RFC1: variants seen among roughly 807,000 people sequenced by gnomAD.
RFC1 encodes the protein replication factor C subunit 1.
A neutral mutation model predicts 137.4 loss-of-function variants in RFC1; 37 were observed. The ratio of observed to expected loss-of-function variants is 0.27; its 90% confidence interval spans 0.21 to 0.35. The LOEUF (loss-of-function observed/expected upper bound fraction) is 0.35, where lower values mean the gene tolerates loss of function less well. RFC1 is among the 10% of genes least tolerant of loss of function. The pLI is 1.00. For missense variants in RFC1, 1,205 were observed against 1,358.5 expected, an observed-to-expected ratio of 0.89 and a Z score of 1.78; for synonymous variants, 429 against 455.7, an observed-to-expected ratio of 0.94 and a Z score of 0.75.
At chr4:39,316,056 C>A (rs1739225140) in intron 10 of RFC1, among the ~76,000 whole-genome samples, 1 of 152,024 alleles carries the variant, frequency 6.6e-6, no homozygotes, top group Non-Finnish European at 1.5e-5. Context: ...CATGGAGAAA[C>A]CCCATCTCTA....
chr4:39,304,996 G>T, intron 14 of RFC1, 68 bp from the exon 15 acceptor site: 1 of 880,538 alleles, frequency 1.1e-6, no homozygotes, highest in Non-Finnish European at 1.9e-6. Context: ...GCCAAGAAAG[G>T]CCAGTTAAGA....
At chr4:39,304,482 T>C (rs1253492488) in intron 15 of RFC1, among the ~76,000 whole-genome samples, 1 of 152,344 alleles carries the variant, frequency 6.6e-6, no homozygotes, top group South Asian at 2.1e-4. Flanking sequence ...GTGAGGTTAA[T>C]AAGGTAATGA....
chr4:39,302,931 C>G, intron 16 of RFC1, 57 bp from the exon 17 acceptor site: 1 of 1,535,222 alleles, frequency 6.5e-7, no homozygotes, highest in Non-Finnish European at 8.9e-7. Flanking sequence ...AAATACCACA[C>G]AAGCTATTTT....
chr4:39,342,549 C>G (rs1740659183), intron 3 of RFC1, 82 bp from the exon 4 acceptor site: 1 of 1,371,024 alleles, frequency 7.3e-7, no homozygotes, highest in African/African-American at 1.5e-5. Context: ...CACGGTGAAC[C>G]AATTCCTCAA....
intron 12 of RFC1, among the ~76,000 whole-genome samples, chr4:39,310,387 A>G (rs773215567): frequency 7.9e-5 from 12 of 152,240 alleles, no homozygotes; most frequent in Admixed American, 1.3e-4. Flanking sequence ...CATCAATGTT[A>G]ATTTCCTGGT....
chr4:39,360,604 G>A (rs938749121), intron 1 of RFC1, among the ~76,000 whole-genome samples: 3 of 151,688 alleles, frequency 2.0e-5, no homozygotes, highest in East Asian at 1.9e-4. Flanking sequence ...GCATGGTGGC[G>A]AGCACCTGCA....
At chr4:39,299,186 G>A (rs1433522178) in intron 21 of RFC1, among the ~76,000 whole-genome samples, 3 of 152,064 alleles carry the variant, frequency 2.0e-5, no homozygotes, top group Non-Finnish European at 2.9e-5. Flanking sequence ...CCTTTAATTC[G>A]GCCCATCCCT....
At position 39,304,584 on chromosome 4, in the gene RFC1, G is replaced by A. The variant is rs542315114; in HGVS notation, c.2110+230C>T. Among the ~76,000 whole-genome samples the A allele has an allele frequency of 7.9e-5, 12 of 152,106 alleles. No homozygotes were observed. The South Asian group carries it at 1.2e-3, about 16-fold the overall frequency. ...TGAATCCTCTAAAATCATGAAAAAC[G>A]AATATGTGCATGTACACATTTTTAT... On this transcript the variant is annotated intron_variant, in intron 15 of 24. Coordinates refer to ENST00000349703, the MANE Select transcript of RFC1 (RefSeq NM_002913.5).
At chr4:39,306,869 A>C (rs1284621834) in intron 13 of RFC1, among the ~76,000 whole-genome samples, 168 bp from the exon 14 acceptor site, 2 of 152,250 alleles carry the variant, frequency 1.3e-5, no homozygotes, top group African/African-American at 4.8e-5. Context: ...CAGAGCATTC[A>C]GTGAAATTCT....
At position 39,344,991 on chromosome 4, in the gene RFC1, T is replaced by C. The variant is rs530445740; in HGVS notation, c.208+410A>G. ...TATTAACATCTCAGAGAGCTACGTATCTCAGAACATAGTTGATTTATTTAT... is the reference window on the plus strand; with the variant it reads ...TATTAACATCTCAGAGAGCTACGTACCTCAGAACATAGTTGATTTATTTAT... On this transcript the variant is annotated intron_variant, in intron 3 of 24. Coordinates refer to ENST00000349703, the MANE Select transcript of RFC1 (RefSeq NM_002913.5). 4.6e-5 allele frequency among the ~76,000 whole-genome samples: 7 copies of C among 152,266 alleles called. No homozygotes were observed. The South Asian group carries it at 1.2e-3, about 27-fold the overall frequency.
chr4:39,306,174 A>G (rs182335361), intron 14 of RFC1, among the ~76,000 whole-genome samples: 1 of 152,320 alleles, frequency 6.6e-6, no homozygotes, highest in Non-Finnish European at 1.5e-5. Flanking sequence ...TACCGGGTGA[A>G]AACTGGGCCT....
chr4:39,346,437 T>C (rs1404746141), intron 2 of RFC1, among the ~76,000 whole-genome samples: 1 of 151,738 alleles, frequency 6.6e-6, no homozygotes, highest in Non-Finnish European at 1.5e-5. Context: ...GATCGCGCCA[T>C]TGCATGCCAG....
At position 39,366,291 on chromosome 4, in the gene RFC1, G is replaced by C. The variant is rs1281670709; in HGVS notation, c.-50C>G. On this transcript the variant is annotated 5_prime_UTR_variant, in exon 1 of 25. Coordinates refer to ENST00000349703, the MANE Select transcript of RFC1 (RefSeq NM_002913.5). ...GCTGGCTGGCGGGTGGGCCGGTTGA[G>C]GAATCTGTTATCGAGGCTCAGGATC... 1 of 1,514,774 alleles carries C rather than the reference G, an allele frequency of 6.6e-7. No individual in the cohort carries two copies. Among genetic ancestry groups the C allele is most frequent in the East Asian group, 2.5e-5 (1 of 39,410 alleles). 93.8% of individuals were successfully genotyped at this position (1,514,774 alleles called of 1,614,324 possible).
chr4:39,306,987 C>T (rs1738701792), intron 13 of RFC1, among the ~76,000 whole-genome samples: 1 of 152,144 alleles, frequency 6.6e-6, no homozygotes, highest in Admixed American at 6.5e-5. Flanking sequence ...AACGCACAGG[C>T]CATGGAGCAC....
chr4:39,317,720 T>G (rs1426302527), intron 9 of RFC1: 3 of 152,238 alleles, frequency 2.0e-5, no homozygotes, highest in Non-Finnish European at 4.4e-5. Context: ...TGTGTTTATG[T>G]GGGGGAAAAA....
chr4:39,287,599 C>T lies in RFC1; in HGVS notation c.*1162G>A, dbSNP rs1048861863. On this transcript the variant is annotated 3_prime_UTR_variant, in exon 25 of 25. Transcript: ENST00000349703. Reference sequence around the variant, plus strand: ...TACCAGTTCCTTAAAGCAGGGAATACGATCCTTATTTTACATTCATTTTAG... The same window carrying T: ...TACCAGTTCCTTAAAGCAGGGAATATGATCCTTATTTTACATTCATTTTAG... 6 of 152,174 alleles carry T rather than the reference C, an allele frequency of 3.9e-5. No individual in the cohort carries two copies. Among genetic ancestry groups the T allele is most frequent in the South Asian group, 2.1e-4 (1 of 4,830 alleles). 9.4% of individuals were successfully genotyped at this position (152,174 alleles called of 1,614,324 possible).
rs145039474 is a variant in RFC1, at chr4:39,329,041, G to A, written c.332-1285C>T. ...CATCTGGCTTTAAATGTCTTTTTAA[G>A]CATTCATGACAACGTTTAGATAATT... is the stretch of plus-strand genomic sequence containing the variant. On this transcript the variant is annotated intron_variant, in intron 4 of 24. Coordinates refer to ENST00000349703, the MANE Select transcript of RFC1 (RefSeq NM_002913.5). Among the ~76,000 whole-genome samples, 81 of 135,944 alleles carry A rather than the reference G, an allele frequency of 6.0e-4. 1 individual carries two copies. Among genetic ancestry groups the A allele is most frequent in the African/African-American group, 2.2e-3 (80 of 35,838 alleles). The allele number at this position is 135,944 out of a possible 152,430, so 89.2% of individuals were successfully genotyped here. A position where few individuals can be genotyped will look rare whatever the true frequency, so the allele number is the denominator to read the frequency against.
At position 39,342,411 on chromosome 4, in the gene RFC1, G is replaced by A. The variant is rs769997887; in HGVS notation, c.265C>T (p.Leu89=). ...VKNAKKPPEK[L]PVSSKPGKIS... ...TTACCAGGTTTAGAAGATACTGGCA[G>A]TTTTTCTGGTGGCTTTTTGGCATTT... is the stretch of plus-strand genomic sequence containing the variant. Residue 89 remains leucine (L), a synonymous_variant, in exon 4 of 25, where the codon CTG becomes TTG. Transcript: ENST00000349703. The A allele has an allele frequency of 3.7e-6, 6 of 1,613,580 alleles. No homozygotes were observed. The highest frequency in any genetic ancestry group is 5.1e-6 in the Non-Finnish European group (6 of 1,179,648).
rs773587132 is a variant in RFC1, at chr4:39,302,868, T to A, written c.2209A>T (p.Ile737Phe). 4 of 1,578,572 alleles carry A rather than the reference T, an allele frequency of 2.5e-6. No individual in the cohort carries two copies. The highest frequency in any genetic ancestry group is 1.9e-5 in the Admixed American group (1 of 51,556). ...NEDRGGIQEL[I>F]GLIKHTKIPI... ...ATTTTAGTATGTTTTATCAGGCCAA[T>A]TAATTCCTGAAAGGCAAGTTTGCAA... The change falls in exon 17 of 25, where the codon ATT becomes TTT. Residue 737 changes from isoleucine (I) to phenylalanine (F), a missense_variant. Around this residue, in one of 3 missense-constraint regions of RFC1, gnomAD observed 962 missense variants for 1,035.3 expected, o/e 0.93. Coordinates refer to ENST00000349703, the MANE Select transcript of RFC1 (RefSeq NM_002913.5).
Sources: allele counts gnomAD v4.1 joint callset (sites outside exome capture counted in the v4.1 genomes callset), GRCh38; gene constraint gnomAD v4.1.1; regional missense constraint gnomAD v4.1.1; transcripts MANE v1.5; gene names NCBI Gene and HGNC (gene_info 2026-07-23, HGNC 2026-07-21).